The following TENM2 variants were observed in gnomAD, a reference collection of about 807,000 sequenced individuals.
TENM2 encodes the protein teneurin-2.
A neutral mutation model predicts 245.2 loss-of-function variants in TENM2; 52 were observed. The observed-to-expected ratio is 0.21, with a 90% CI of 0.17 to 0.27. The LOEUF (loss-of-function observed/expected upper bound fraction) is 0.27. Ranked by LOEUF, TENM2 falls within the 10% of genes least tolerant of loss-of-function variation. The pLI is 1.00. For synonymous variants in TENM2, 1,363 were observed against 1,438.9 expected, an observed-to-expected ratio of 0.95 and a Z score of 1.19; for missense variants, 3,046 against 3,666.8, an observed-to-expected ratio of 0.83 and a Z score of 4.37.
chr5:167,517,851 G>T (rs1356837559), intron 2 of TENM2, among the ~76,000 whole-genome samples: 1 of 152,040 alleles, frequency 6.6e-6, no homozygotes, highest in Non-Finnish European at 1.5e-5. Flanking sequence ...TGATGAGGGG[G>T]GTTGATGGAG....
intron 2 of TENM2, among the ~76,000 whole-genome samples, chr5:167,667,011 A>G (rs1293109130): frequency 1.3e-5 from 2 of 152,196 alleles, no homozygotes; most frequent in Admixed American, 6.5e-5. Context: ...TACCTTATAC[A>G]TTATAGCTCC....
chr5:168,010,179 A>ACAGG (rs1223034723), intron 5 of TENM2, among the ~76,000 whole-genome samples: 1 of 152,212 alleles, frequency 6.6e-6, no homozygotes, highest in African/African-American at 2.4e-5. Flanking sequence ...ATTTAAATGT[A>ACAGG]ATTGACTTAT....
chr5:167,501,313 C>G (rs1247041752), intron 2 of TENM2, among the ~76,000 whole-genome samples: 1 of 152,126 alleles, frequency 6.6e-6, no homozygotes, highest in Non-Finnish European at 1.5e-5. Context: ...GGGCATGGCC[C>G]TCTCTTCAGG....
At chr5:168,059,863 G>T (rs2152086779) in intron 6 of TENM2, among the ~76,000 whole-genome samples, 1 of 152,258 alleles carries the variant, frequency 6.6e-6, no homozygotes, top group Admixed American at 6.5e-5. Context: ...ATTATTCTAA[G>T]AGCTTTACAC....
chr5:167,220,228 C>T, the TENM2 span, among the ~76,000 whole-genome samples: 1 of 150,348 alleles, frequency 6.7e-6, no homozygotes, highest in Non-Finnish European at 1.5e-5. Context: ...GGAGGAGACT[C>T]TTAAGTCTTG....
intron 20 of TENM2, among the ~76,000 whole-genome samples, chr5:168,212,661 C>A (rs564855758): frequency 6.6e-6 from 1 of 152,124 alleles, no homozygotes; most frequent in African/African-American, 2.4e-5. Flanking sequence ...TGACAAAGTC[C>A]TCTGTCTTCT....
intron 2 of TENM2, among the ~76,000 whole-genome samples, chr5:167,630,449 T>C (rs1778792819): frequency 1.3e-5 from 2 of 152,212 alleles, no homozygotes; most frequent in African/African-American, 4.8e-5. Flanking sequence ...TTCATAATAA[T>C]GTTACACAAT....
intron 2 of TENM2, among the ~76,000 whole-genome samples, chr5:167,867,359 T>C (rs911590380): frequency 2.0e-5 from 3 of 152,216 alleles, no homozygotes; most frequent in African/African-American, 7.2e-5. Context: ...ATGCATGTTG[T>C]TGGTGAGATA....
intron 2 of TENM2, among the ~76,000 whole-genome samples, chr5:167,741,684 T>TCAGTCTAC (rs1480165196): frequency 6.6e-6 from 1 of 152,192 alleles, no homozygotes; most frequent in Non-Finnish European, 1.5e-5. Context: ...GTTCAGCGAC[T>TCAGTCTAC]CAGTCTACCT....
the TENM2 span, among the ~76,000 whole-genome samples, chr5:167,174,918 A>G: frequency 3.3e-5 from 5 of 151,344 alleles, no homozygotes; most frequent in Non-Finnish European, 4.4e-5. Flanking sequence ...GAGATCATGC[A>G]GTATTTTTCT....
chr5:167,785,014 T>A (rs1764471533), intron 2 of TENM2, among the ~76,000 whole-genome samples: 1 of 152,210 alleles, frequency 6.6e-6, no homozygotes, highest in South Asian at 2.1e-4. Flanking sequence ...TGCTTAATCT[T>A]CATTAATGCA....
intron 2 of TENM2, among the ~76,000 whole-genome samples, chr5:167,548,794 C>A (rs1772741326): frequency 6.6e-6 from 1 of 152,102 alleles, no homozygotes; most frequent in East Asian, 1.9e-4. Context: ...ACAGAGCTCT[C>A]TAATGTATTT....
At position 168,165,021 on chromosome 5, in the gene TENM2, T is replaced by C. The variant is rs1280974716; in HGVS notation, c.2569+2264T>C. The C allele has an allele frequency of 3.9e-5, 6 of 152,178 alleles. No homozygotes were observed. In the East Asian group the frequency reaches 9.6e-4, roughly 24 times the overall value. 9.4% of individuals were successfully genotyped at this position (152,178 alleles called of 1,614,324 possible). Reference sequence around the variant, plus strand: ...CTATTTTTATTTTTTCTCATCCTCTTAATGGGTATTTTGCAGTTTCCATAA... The same window carrying C: ...CTATTTTTATTTTTTCTCATCCTCTCAATGGGTATTTTGCAGTTTCCATAA... On this transcript the variant is annotated intron_variant, in intron 13 of 28. Transcript: ENST00000518659.
At chr5:167,708,232 T>C (rs1758667069) in intron 2 of TENM2, among the ~76,000 whole-genome samples, 1 of 141,240 alleles carries the variant, frequency 7.1e-6, no homozygotes, top group Admixed American at 7.3e-5. Context: ...AAGAAAGTGA[T>C]GGAGAGAGAG....
chr5:167,812,892 C>A (rs1452134816), intron 2 of TENM2, among the ~76,000 whole-genome samples: 2 of 152,196 alleles, frequency 1.3e-5, no homozygotes, highest in African/African-American at 2.4e-5. Flanking sequence ...CGATGCCACA[C>A]AGACTGGTGA....
chr5:167,854,846 C>T (rs1770921506), intron 2 of TENM2, among the ~76,000 whole-genome samples: 1 of 152,148 alleles, frequency 6.6e-6, no homozygotes, highest in Non-Finnish European at 1.5e-5. Context: ...CTTCAAAATG[C>T]ATCCAGATTC....
intron 2 of TENM2, among the ~76,000 whole-genome samples, chr5:167,387,271 T>G (rs1002809043): frequency 2.1e-5 from 3 of 140,690 alleles, no homozygotes; most frequent in Admixed American, 7.0e-5. Flanking sequence ...TGTTGTTGTT[T>G]TTGTGGTTAT....
At chr5:168,049,466 G>A (rs554464069) in intron 6 of TENM2, among the ~76,000 whole-genome samples, 1 of 152,298 alleles carries the variant, frequency 6.6e-6, no homozygotes, top group South Asian at 2.1e-4. Context: ...TTTTCGAGTA[G>A]TGTCCTTCAT....
In TENM2 at chr5:167,775,684, G is replaced by A. The variant is rs545988923; in HGVS notation, c.503-100302G>A. 2.4e-4 allele frequency among the ~76,000 whole-genome samples: 36 copies of A among 151,548 alleles called. No individual in the cohort carries two copies. In the South Asian group the frequency reaches 4.2e-3, roughly 18 times the overall value. ...GGCACATTCTGTGTTCAGTGTTCTCGGATTAAAAAAAAAATAAACAAGACA... is the reference window on the plus strand; with the variant it reads ...GGCACATTCTGTGTTCAGTGTTCTCAGATTAAAAAAAAAATAAACAAGACA... On this transcript the variant is annotated intron_variant, in intron 2 of 28. Coordinates refer to ENST00000518659, the Ensembl canonical transcript of TENM2.
Sources: gnomAD v4.1 joint callset for allele counts (sites outside exome capture counted in the v4.1 genomes callset) on GRCh38, gnomAD v4.1.1 for gene constraint, MANE v1.5 for transcripts, NCBI Gene and HGNC (gene_info 2026-07-23, HGNC 2026-07-21) for gene names.